The following KCNQ2 variants were observed in gnomAD, a reference collection of about 807,000 sequenced individuals.
KCNQ2 encodes the protein potassium voltage-gated channel subfamily KQT member 2.
In KCNQ2, 14 loss-of-function variants were observed where a neutral mutation model predicts 84.8. That is an observed-to-expected ratio of 0.17 (90% CI 0.11 to 0.26). KCNQ2 has a LOEUF of 0.26. KCNQ2 is among the 10% of genes least tolerant of loss of function. KCNQ2 has a pLI of 1.00. For synonymous variants in KCNQ2, 599 were observed against 554.1 expected, an observed-to-expected ratio of 1.08 and a Z score of -1.14; for missense variants, 788 against 1,254.0, an observed-to-expected ratio of 0.63 and a Z score of 5.61.
At chr20:63,447,455 T>C (rs1413884392) in intron 1 of KCNQ2, 1 of 154,372 alleles carries the variant, frequency 6.5e-6, no homozygotes, top group East Asian at 1.9e-4. Context: ...CTCCCGCCAG[T>C]GACTTCCACC....
chr20:63,415,840 T>G (rs1254814436), intron 12 of KCNQ2, among the ~76,000 whole-genome samples: 1 of 152,110 alleles, frequency 6.6e-6, no homozygotes, highest in Non-Finnish European at 1.5e-5. Context: ...CACCCGTAAC[T>G]GCTCCCAGGA....
intron 10 of KCNQ2, among the ~76,000 whole-genome samples, chr20:63,426,310 C>T (rs116056662): frequency 1.1e-3 from 169 of 152,304 alleles, no homozygotes; most frequent in African/African-American, 3.8e-3. Context: ...TCTGTGGAGA[C>T]GGTGGAGGCT....
At chr20:63,424,423 G>A (rs2080568830) in intron 10 of KCNQ2, 1 of 599,064 alleles carries the variant, frequency 1.7e-6, no homozygotes, top group African/African-American at 1.9e-5. Context: ...CTCCGAGAGG[G>A]AAGAGGGACT....
At chr20:63,469,863 A>C (rs1361493850) in intron 1 of KCNQ2, among the ~76,000 whole-genome samples, 1 of 152,186 alleles carries the variant, frequency 6.6e-6, no homozygotes, top group African/African-American at 2.4e-5. Flanking sequence ...GCTGCACTCC[A>C]AGGATGGGCT....
In KCNQ2 at chr20:63,411,941, T is replaced by C. The variant is rs2080132315; in HGVS notation, c.1763+1509A>G. ...AAACGCATCGTAAAGCCACAGGAAATGAGGAGCTGGCCAGGAACTGGCGGA... is the reference window on the plus strand; with the variant it reads ...AAACGCATCGTAAAGCCACAGGAAACGAGGAGCTGGCCAGGAACTGGCGGA... On this transcript the variant is annotated intron_variant, in intron 15 of 16. Coordinates refer to ENST00000359125, the MANE Select transcript of KCNQ2 (RefSeq NM_172107.4). 1.6e-5 allele frequency: 11 copies of C among 700,042 alleles called. No homozygotes were observed. In the East Asian group the frequency reaches 2.5e-4, roughly 16 times the overall value. 43.4% of individuals were successfully genotyped at this position (700,042 alleles called of 1,614,324 possible).
chr20:63,421,989 C>T (rs541660939), intron 11 of KCNQ2, among the ~76,000 whole-genome samples: 2 of 152,282 alleles, frequency 1.3e-5, no homozygotes, highest in South Asian at 4.1e-4. Context: ...GTGTTCTGAG[C>T]CAGGATGGGG....
chr20:63,424,853 A>T (rs2080581110), intron 10 of KCNQ2, among the ~76,000 whole-genome samples: 1 of 152,202 alleles, frequency 6.6e-6, no homozygotes, highest in Non-Finnish European at 1.5e-5. Flanking sequence ...TGGCTCATCC[A>T]TGGGGAGGCC....
At chr20:63,426,122 C>T (rs1485180944) in intron 10 of KCNQ2, among the ~76,000 whole-genome samples, 4 of 152,252 alleles carry the variant, frequency 2.6e-5, no homozygotes, top group African/African-American at 9.6e-5. Flanking sequence ...TTCCTGCCTG[C>T]AGACTCCCGA....
At position 63,414,725 on chromosome 20, in the gene KCNQ2, A is replaced by G. The variant is rs1186774932; in HGVS notation, c.1525+178T>C. Among the ~76,000 whole-genome samples, 1 of 151,460 alleles carries G rather than the reference A, an allele frequency of 6.6e-6. No homozygotes were observed. The highest frequency in any genetic ancestry group is 2.4e-5 in the African/African-American group (1 of 41,178). On this transcript the variant is annotated intron_variant, in intron 13 of 16. Transcript: ENST00000359125. This position sits in a 1 kb window ranked among gnomAD's most constrained non-coding sequence, Gnocchi z 6.6. ...GTGCTACATGCCACTGAATTCCTACACTTTTAAATAGTTAATTTTAGGTTG... is the reference window on the plus strand; with the variant it reads ...GTGCTACATGCCACTGAATTCCTACGCTTTTAAATAGTTAATTTTAGGTTG...
intron 4 of KCNQ2, among the ~76,000 whole-genome samples, chr20:63,442,887 C>T (rs887003140): frequency 1.2e-4 from 4 of 34,532 alleles, no homozygotes; most frequent in Non-Finnish European, 1.8e-4. Flanking sequence ...ATCACCACCA[C>T]CATCACCACC....
intron 7 of KCNQ2, among the ~76,000 whole-genome samples, chr20:63,436,256 G>A (rs4809560): frequency 0.082 from 12,452 of 152,246 alleles, 1,008 homozygotes; most frequent in East Asian, 0.45. Context: ...CCACAGCCGG[G>A]CGCAGTGGCT....
chr20:63,432,673 G>T (rs1331357010), intron 8 of KCNQ2, among the ~76,000 whole-genome samples: 1 of 147,834 alleles, frequency 6.8e-6, no homozygotes, highest in Non-Finnish European at 1.5e-5. Context: ...CACAGAGAAG[G>T]CCCCACCCTC....
At chr20:63,445,191 G>C in intron 3 of KCNQ2, 47 bp downstream of exon 3, 1 of 1,613,366 alleles carries the variant, frequency 6.2e-7, no homozygotes, top group East Asian at 2.2e-5. Flanking sequence ...GTCCGTCCCT[G>C]GGTGCCTGGC....
At chr20:63,417,619 C>T (rs534882352) in intron 12 of KCNQ2, among the ~76,000 whole-genome samples, 37 of 152,358 alleles carry the variant, frequency 2.4e-4, no homozygotes, top group African/African-American at 8.4e-4. Context: ...CCTGCGGCCC[C>T]GGAGGGGAAC....
At chr20:63,447,226 A>C (rs867825483) in intron 1 of KCNQ2, 3 of 289,068 alleles carry the variant, frequency 1.0e-5, no homozygotes, top group African/African-American at 2.2e-5. Flanking sequence ...AACTGCTACA[A>C]ACACAGGAAC....
At chr20:63,410,265 T>C (rs1044935861) in intron 15 of KCNQ2, among the ~76,000 whole-genome samples, 1 of 152,176 alleles carries the variant, frequency 6.6e-6, no homozygotes, top group Non-Finnish European at 1.5e-5. Flanking sequence ...GCCCGCCTGC[T>C]CAGTCCCAAT....
Position 63,445,293 on chromosome 20 carries a change from C to G in KCNQ2, c.459G>C (p.Arg153=). The change falls in exon 3 of 17, where the codon CGG becomes CGC. Residue 153 remains arginine (R), a synonymous_variant. Transcript: ENST00000359125. The stretch of plus-strand genomic sequence containing the variant: ...TGAGCCGCCCCCTCCAGCCACGGTA[C>G]CGGCAGCAGCAGCCTGCGGCCCAGA... ...VRIWAAGCCC[R]YRGWRGRLKF... 1 of 1,613,830 alleles carries G rather than the reference C, an allele frequency of 6.2e-7. No individual in the cohort carries two copies. Among genetic ancestry groups the G allele is most frequent in the Non-Finnish European group, 8.5e-7 (1 of 1,180,020 alleles).
At chr20:63,432,147 G>C (rs1191192762) in intron 8 of KCNQ2, among the ~76,000 whole-genome samples, 1 of 148,604 alleles carries the variant, frequency 6.7e-6, no homozygotes, top group Non-Finnish European at 1.5e-5. Context: ...CACCCACAGG[G>C]AAGGCCCCAC....
At chr20:63,465,107 G>A (rs545770007) in intron 1 of KCNQ2, among the ~76,000 whole-genome samples, 105 of 152,362 alleles carry the variant, frequency 6.9e-4, no homozygotes, top group African/African-American at 2.2e-3. Context: ...GGCTGAGGCC[G>A]TCCCAGCAGC....
Sources: allele counts gnomAD v4.1 joint callset (sites outside exome capture counted in the v4.1 genomes callset), GRCh38; gene constraint gnomAD v4.1.1; non-coding constraint Gnocchi (gnomAD v3.1); transcripts MANE v1.5; gene names NCBI Gene and HGNC (gene_info 2026-07-23, HGNC 2026-07-21).